NADK: variants seen among roughly 807,000 people sequenced by gnomAD.
NADK encodes NAD kinase.
NADK carries 22 observed loss-of-function variants against 49.8 expected under a neutral mutation model. The observed-to-expected ratio is 0.44, with a 90% CI of 0.32 to 0.63. NADK has a LOEUF of 0.63. Among genes scored for constraint, NADK ranks in the 30% least tolerant of loss-of-function variants. NADK has a pLI of 0.06. For synonymous variants in NADK, 268 were observed against 253.7 expected (o/e 1.06, Z -0.54); for missense variants, 438 against 609.4 (o/e 0.72, Z 2.96).
At chr1:1,760,390 G>A (rs985774454) in intron 3 of NADK, among the ~76,000 whole-genome samples, 7 of 152,200 alleles carry the variant, frequency 4.6e-5, no homozygotes, top group Non-Finnish European at 5.9e-5. Flanking sequence ...CTGCCGCGGG[G>A]CCCACACTTT....
At chr1:1,760,329 C>A (rs937996381) in intron 3 of NADK, among the ~76,000 whole-genome samples, 1 of 152,206 alleles carries the variant, frequency 6.6e-6, no homozygotes, top group Admixed American at 6.5e-5. Context: ...TAAGGGGCTC[C>A]GTCAGCGTCT....
rs779495814 is a variant in NADK at position 1,756,620 on chromosome 1, G to A, written c.394-12C>T. ...ACGATCATGTTCTCCTGGAAGCAAA[G>A]TGCCAACCTGCTCATTCCACCTGCA... is the stretch of plus-strand genomic sequence containing the variant. On this transcript the variant is annotated splice_polypyrimidine_tract_variant and intron_variant, in intron 4 of 11. Coordinates refer to ENST00000341426, the MANE Select transcript of NADK (RefSeq NM_023018.5). The A allele has an allele frequency of 6.2e-7, 1 of 1,614,026 alleles. No homozygotes were observed. Among genetic ancestry groups the A allele is most frequent in the Non-Finnish European group, 8.5e-7 (1 of 1,180,038 alleles).
At chr1:1,768,317 C>A (rs1458848514) in intron 1 of NADK, among the ~76,000 whole-genome samples, 1 of 151,924 alleles carries the variant, frequency 6.6e-6, no homozygotes, top group Non-Finnish European at 1.5e-5. Flanking sequence ...GTAAGAGGAT[C>A]ACTTGAGGCC....
chr1:1,759,895 G>T, intron 3 of NADK: 1 of 1,550,692 alleles, frequency 6.4e-7, no homozygotes, highest in Non-Finnish European at 8.7e-7. Context: ...AGTGACAAAG[G>T]AGTGGCTCTG....
At chr1:1,778,785 G>A (rs978170924), upstream of NADK, 1 of 152,012 alleles carries the variant, frequency 6.6e-6, no homozygotes, top group Non-Finnish European at 1.5e-5. This position sits in a 1 kb window ranked among gnomAD's most constrained non-coding sequence, Gnocchi z 4.9. Flanking sequence ...CGCCCGCCAC[G>A]TCTACGCCTA....
rs768491168 is a variant in NADK, at chr1:1,754,948, A to G, written c.689-250T>C. On this transcript the variant is annotated intron_variant, in intron 7 of 11. Transcript: ENST00000341426. The surrounding 1 kb of genome is among the most constrained non-coding windows in gnomAD (Gnocchi z 4.3). ...GTGATTCTCCTGCCTCAGCCTCCCA[A>G]GTAGCTGGAACTACGGGTGCGCACC... is the stretch of plus-strand genomic sequence containing the variant. The G allele has an allele frequency of 6.3e-6, 3 of 477,634 alleles. No individual in the cohort carries two copies. Among genetic ancestry groups the G allele is most frequent in the Non-Finnish European group, 7.4e-6 (2 of 269,716 alleles). 29.6% of individuals were successfully genotyped at this position (477,634 alleles called of 1,614,324 possible). A position where few individuals can be genotyped will look rare whatever the true frequency, so the allele number is the denominator to read the frequency against.
At chr1:1,759,662 C>T in intron 3 of NADK, 1 of 1,480,744 alleles carries the variant, frequency 6.8e-7, no homozygotes, top group Non-Finnish European at 9.1e-7. Flanking sequence ...AGACACAGAG[C>T]CCAGAGGGGG....
rs377407242 is a variant in NADK, at chr1:1,754,242, C to T, written c.944-34G>A. On this transcript the variant is annotated intron_variant, in intron 9 of 11. Coordinates refer to ENST00000341426, the MANE Select transcript of NADK (RefSeq NM_023018.5). This position sits in a 1 kb window ranked among gnomAD's most constrained non-coding sequence, Gnocchi z 4.3. ...GACAGGCGCAGGCGTCACTCCCGCC[C>T]GAGGGACGCTCAGGGCCCCAGGACA... The T allele has an allele frequency of 2.6e-5, 42 of 1,613,058 alleles. No individual in the cohort carries two copies. Among genetic ancestry groups the T allele is most frequent in the Non-Finnish European group, 3.3e-5 (39 of 1,179,880 alleles).
chr1:1,773,947 C>T (rs1481815103), intron 1 of NADK, among the ~76,000 whole-genome samples: 1 of 151,926 alleles, frequency 6.6e-6, no homozygotes, highest in African/African-American at 2.4e-5. Flanking sequence ...CTTGAACGGG[C>T]TGACCTTGAA....
intron 3 of NADK, 120 bp from the exon 4 acceptor site, chr1:1,757,430 G>T: frequency 1.1e-6 from 1 of 886,156 alleles, no homozygotes; most frequent in African/African-American, 1.7e-5. Flanking sequence ...CCAGGGAAAC[G>T]TGCTCGGTGG....
chr1:1,755,594 C>CA (rs1645490830), intron 6 of NADK, 118 bp from the exon 7 acceptor site: 1 of 764,734 alleles, frequency 1.3e-6, no homozygotes, highest in East Asian at 2.5e-5. Flanking sequence ...CGACCCTCTG[C>CA]AGGAGGGACT....
chr1:1,761,352 C>G (rs967544826), intron 3 of NADK, among the ~76,000 whole-genome samples: 1 of 152,144 alleles, frequency 6.6e-6, no homozygotes, highest in African/African-American at 2.4e-5. Flanking sequence ...TCTCAAACTC[C>G]TGGGCCCAAG....
At chr1:1,768,733 GAACA>G (rs894232583) in intron 1 of NADK, among the ~76,000 whole-genome samples, 8 of 152,180 alleles carry the variant, frequency 5.3e-5, no homozygotes, top group Non-Finnish European at 1.2e-4. Flanking sequence ...AGAGCTCTGA[GAACA>G]AACATTTTTG....
In NADK at chr1:1,765,432, G is replaced by A; in HGVS notation, c.-26C>T. 1 of 1,486,044 alleles carries A rather than the reference G, an allele frequency of 6.7e-7. No individual in the cohort carries two copies. The highest frequency in any genetic ancestry group is 9.2e-7 in the Non-Finnish European group (1 of 1,091,800). 92.1% of individuals were successfully genotyped at this position (1,486,044 alleles called of 1,614,324 possible). A position where few individuals can be genotyped will look rare whatever the true frequency, so the allele number is the denominator to read the frequency against. On this transcript the variant is annotated 5_prime_UTR_variant, in exon 2 of 12. Coordinates refer to ENST00000341426, the MANE Select transcript of NADK (RefSeq NM_023018.5). ...TGTCAGGAAATGAGAACTTCGGTCA[G>A]AAAAACACTGATGCCTTAATTTAAT...
Position 1,754,077 on chromosome 1 carries a change from C to A in NADK, c.1075G>T (p.Val359Leu). 6 of 1,599,342 alleles carry A rather than the reference C, an allele frequency of 3.8e-6. No homozygotes were observed. Among genetic ancestry groups the A allele is most frequent in the Non-Finnish European group, 5.1e-6 (6 of 1,172,536 alleles). The change falls in exon 10 of 12, where the codon GTG becomes TTG. Residue 359 changes from valine to leucine, a missense_variant. Coordinates refer to ENST00000341426, the MANE Select transcript of NADK (RefSeq NM_023018.5). This position sits in a 1 kb window ranked among gnomAD's most constrained non-coding sequence, Gnocchi z 4.3. ...CPHSLSFRPI[V>L]VPAGVELKIM... ...TTCAGCTCGACCCCTGCGGGGACCA[C>A]GATGGGCCGGAAGGACAGCGAGTGG... is the stretch of plus-strand genomic sequence containing the variant.
chr1:1,753,172 G>GCTGC, intron 11 of NADK, 112 bp from the exon 12 acceptor site: 1 of 1,332,922 alleles, frequency 7.5e-7, no homozygotes, highest in Non-Finnish European at 1.0e-6. Context: ...TTCCTGTGGG[G>GCTGC]CCGGGCAGCC....
chr1:1,765,020 G>C (rs1177211373), intron 2 of NADK, among the ~76,000 whole-genome samples: 1 of 152,256 alleles, frequency 6.6e-6, no homozygotes, highest in East Asian at 1.9e-4. Context: ...CCCTGTGCCT[G>C]TGCTGGCACC....
intron 2 of NADK, among the ~76,000 whole-genome samples, chr1:1,762,982 G>A (rs983634111): frequency 1.3e-5 from 2 of 152,222 alleles, no homozygotes; most frequent in Non-Finnish European, 2.9e-5. Context: ...GAGCCTCCCA[G>A]TCCCTTCACA....
At chr1:1,758,453 G>C (rs748314706) in intron 3 of NADK, 1 of 1,612,354 alleles carries the variant, frequency 6.2e-7, no homozygotes, top group Non-Finnish European at 8.5e-7. Context: ...TGGCTCGCGA[G>C]GTAGCCCCTG....
Sources: allele counts gnomAD v4.1 joint callset (sites outside exome capture counted in the v4.1 genomes callset), GRCh38; gene constraint gnomAD v4.1.1; non-coding constraint Gnocchi (gnomAD v3.1); transcripts MANE v1.5; gene names NCBI Gene and HGNC (gene_info 2026-07-23, HGNC 2026-07-21).